KAT2B: variants seen among roughly 807,000 people sequenced by gnomAD.
The protein encoded by KAT2B is lysine acetyltransferase 2B.
In KAT2B, 36 loss-of-function variants were observed where a neutral mutation model predicts 105.9. That is an observed-to-expected ratio of 0.34 (90% CI 0.26 to 0.45). The LOEUF is 0.45. Ranked by LOEUF, KAT2B falls within the 20% of genes least tolerant of loss-of-function variation. KAT2B has a pLI of 1.00. For synonymous variants in KAT2B, 397 were observed against 377.9 expected, an observed-to-expected ratio of 1.05 and a Z score of -0.59; for missense variants, 820 against 1,021.6, an observed-to-expected ratio of 0.80 and a Z score of 2.69.
In KAT2B at chr3:20,125,922, A is replaced by G. The variant is rs373721059; in HGVS notation, c.1431A>G (p.Ala477=). The change falls in exon 10 of 18, where the codon GCA becomes GCG. Residue 477 remains alanine (A), a synonymous_variant. Transcript: ENST00000263754. ...CATCTCAGACCAATTTTCTGTCAGC[A>G]CACTCGGCCAGGGATGAGGCGGCAA... is the stretch of plus-strand genomic sequence containing the variant. The part of the protein sequence containing the change: ...MLGPETNFLS[A]HSARDEAARL... 3.7e-5 allele frequency: 60 copies of G among 1,613,776 alleles called. No homozygotes were observed. In the African/African-American group the frequency reaches 6.5e-4, roughly 18 times the overall value.
intron 2 of KAT2B, among the ~76,000 whole-genome samples, chr3:20,075,093 G>A (rs551127317): frequency 4.0e-5 from 6 of 151,850 alleles, no homozygotes; most frequent in Non-Finnish European, 5.9e-5. Context: ...GTGAAACCCC[G>A]TCTCTACTAA....
At chr3:20,096,327 A>G (rs1030119467) in intron 3 of KAT2B, among the ~76,000 whole-genome samples, 4 of 152,076 alleles carry the variant, frequency 2.6e-5, no homozygotes, top group Admixed American at 6.6e-5. Context: ...ATTCCCTACT[A>G]TAGACATACA....
chr3:20,119,278 ATT>A (rs34386078), intron 7 of KAT2B, among the ~76,000 whole-genome samples: 15 of 134,490 alleles, frequency 1.1e-4, no homozygotes, highest in Admixed American at 3.0e-4. Context: ...CCAAATAGTG[ATT>A]TTTTTTTTTT....
At chr3:20,125,874 G>T (rs1282963873) in intron 9 of KAT2B, 31 bp from the exon 10 acceptor site, 1 of 1,564,212 alleles carries the variant, frequency 6.4e-7, no homozygotes, top group South Asian at 1.1e-5. Context: ...GAATAGCTCT[G>T]TGTAATTTTT....
rs1051336775 is a variant in KAT2B at position 20,153,281 on chromosome 3, G to C, written c.*756G>C. 3 of 152,024 alleles carry C rather than the reference G, an allele frequency of 2.0e-5. No individual in the cohort carries two copies. The highest frequency in any genetic ancestry group is 7.2e-5 in the African/African-American group (3 of 41,396). 9.4% of individuals were successfully genotyped at this position (152,024 alleles called of 1,614,324 possible). On this transcript the variant is annotated 3_prime_UTR_variant, in exon 18 of 18. Coordinates refer to ENST00000263754, the MANE Select transcript of KAT2B (RefSeq NM_003884.5). ...ATCATATTTGACTTTGCTTATGCAGGCCATAAGTTCCAAAAGATAATTTCC... is the reference window on the plus strand; with the variant it reads ...ATCATATTTGACTTTGCTTATGCAGCCCATAAGTTCCAAAAGATAATTTCC...
chr3:20,153,662 G>T lies in KAT2B; in HGVS notation c.*1137G>T, dbSNP rs893116707. 6.6e-6 allele frequency: 1 copy of T among 152,470 alleles called. No individual in the cohort carries two copies. Among genetic ancestry groups the T allele is most frequent in the Non-Finnish European group, 1.5e-5 (1 of 67,988 alleles). The allele number at this position is 152,470 out of a possible 1,614,324, so 9.4% of individuals were successfully genotyped here. A position where few individuals can be genotyped will look rare whatever the true frequency, so the allele number is the denominator to read the frequency against. On this transcript the variant is annotated 3_prime_UTR_variant, in exon 18 of 18. Transcript: ENST00000263754. ...AGTTTAGTGCTTGGATTTATTTCCT[G>T]ATTACACTACATAGAAAAGTGAGAC...
At chr3:20,142,505 T>A (rs1275667982) in intron 13 of KAT2B, among the ~76,000 whole-genome samples, 3 of 152,196 alleles carry the variant, frequency 2.0e-5, no homozygotes, top group Admixed American at 1.3e-4. Flanking sequence ...ACAGTGAATA[T>A]TCTGAGGCAT....
chr3:20,049,881 A>T (rs536716643), intron 1 of KAT2B, among the ~76,000 whole-genome samples: 2 of 152,154 alleles, frequency 1.3e-5, no homozygotes, highest in African/African-American at 4.8e-5. Flanking sequence ...TGTGTCAGAA[A>T]GTTAAGAAAT....
intron 1 of KAT2B, among the ~76,000 whole-genome samples, chr3:20,047,788 G>T (rs1697841322): frequency 6.6e-6 from 1 of 151,662 alleles, no homozygotes; most frequent in African/African-American, 2.4e-5. Flanking sequence ...AAATTTTTTT[G>T]TATTTTTAGT....
At chr3:20,148,527 C>T (rs1699816361) in intron 17 of KAT2B, 40 bp downstream of exon 17, 4 of 1,411,310 alleles carry the variant, frequency 2.8e-6, no homozygotes, top group Non-Finnish European at 3.9e-6. Context: ...ATTTAAAACT[C>T]TGGATGGCGG....
intron 1 of KAT2B, 139 bp from the exon 2 acceptor site, chr3:20,072,194 T>C: frequency 1.2e-6 from 1 of 835,432 alleles, no homozygotes; most frequent in Admixed American, 2.3e-5. Flanking sequence ...TCTGTTTTTC[T>C]CTTGTGTATA....
chr3:20,108,567 A>T (rs1190043386), intron 5 of KAT2B, among the ~76,000 whole-genome samples: 1 of 152,258 alleles, frequency 6.6e-6, no homozygotes, highest in East Asian at 1.9e-4. Flanking sequence ...ATATTTAGAT[A>T]TACAAATACT....
intron 11 of KAT2B, among the ~76,000 whole-genome samples, chr3:20,131,409 G>A (rs1021101230): frequency 2.0e-5 from 3 of 152,012 alleles, no homozygotes; most frequent in Non-Finnish European, 2.9e-5. Context: ...TTTCACTGGC[G>A]TATAGTCTAA....
intron 11 of KAT2B, among the ~76,000 whole-genome samples, chr3:20,135,154 C>CAA (rs1486179159): frequency 6.6e-6 from 1 of 152,144 alleles, no homozygotes; most frequent in Non-Finnish European, 1.5e-5. Context: ...AAGTTTTATT[C>CAA]AAACTCTCAG....
intron 12 of KAT2B, chr3:20,137,539 TCC>T (rs1282845382): frequency 7.2e-6 from 1 of 138,986 alleles, no homozygotes; most frequent in Non-Finnish European, 1.5e-5. Context: ...GTTCCTCCCT[TCC>T]TTTTTTTTTT....
In KAT2B at chr3:20,153,899, T is replaced by C. The variant is rs1053360127; in HGVS notation, c.*1374T>C. On this transcript the variant is annotated 3_prime_UTR_variant, in exon 18 of 18. Transcript: ENST00000263754. ...CATTAAAAACAGTTGCCAGTGATAA[T>C]CTGCATGAAGGAAAAAGAACCCTGC... 2 of 152,380 alleles carry C rather than the reference T, an allele frequency of 1.3e-5. No individual in the cohort carries two copies. The highest frequency in any genetic ancestry group is 2.9e-5 in the Non-Finnish European group (2 of 68,014). The allele number at this position is 152,380 out of a possible 1,614,324, so 9.4% of individuals were successfully genotyped here.
chr3:20,052,218 A>G (rs1432626794), intron 1 of KAT2B, among the ~76,000 whole-genome samples: 1 of 152,216 alleles, frequency 6.6e-6, no homozygotes, highest in African/African-American at 2.4e-5. Flanking sequence ...CACCCCATCT[A>G]TCACTCTATA....
At position 20,040,462 on chromosome 3, in the gene KAT2B, C is replaced by T; in HGVS notation, c.-16C>T. 1.9e-6 allele frequency: 2 copies of T among 1,077,516 alleles called. No homozygotes were observed. Among genetic ancestry groups the T allele is most frequent in the Admixed American group, 5.4e-5 (1 of 18,670 alleles). 66.7% of individuals were successfully genotyped at this position (1,077,516 alleles called of 1,614,324 possible). A position where few individuals can be genotyped will look rare whatever the true frequency, so the allele number is the denominator to read the frequency against. On this transcript the variant is annotated 5_prime_UTR_variant, in exon 1 of 18. Transcript: ENST00000263754. ...GCGCCTGACACTCGGCGCCTCCTGCCGTGCTCCGGGGCGGCATGTCCGAGG... is the reference window on the plus strand; with the variant it reads ...GCGCCTGACACTCGGCGCCTCCTGCTGTGCTCCGGGGCGGCATGTCCGAGG...
intron 12 of KAT2B, among the ~76,000 whole-genome samples, chr3:20,138,215 T>A (rs1452995323): frequency 1.3e-5 from 2 of 152,164 alleles, no homozygotes; most frequent in African/African-American, 2.4e-5. Context: ...TATTTTAAAA[T>A]TTTTTCTGTT....
Sources: allele counts gnomAD v4.1 joint callset (sites outside exome capture counted in the v4.1 genomes callset), GRCh38; gene constraint gnomAD v4.1.1; transcripts MANE v1.5; gene names NCBI Gene and HGNC (gene_info 2026-07-23, HGNC 2026-07-21).